RBM20: variants seen among roughly 807,000 people sequenced by gnomAD.
RBM20 encodes the protein RNA binding motif protein 20.
Under a neutral mutation model 110.1 loss-of-function variants are expected in RBM20, and 51 were observed. The ratio of observed to expected loss-of-function variants is 0.46; its 90% CI spans 0.37 to 0.59. RBM20 has a LOEUF of 0.59. RBM20 is among the 20% of genes least tolerant of loss of function. The pLI is 0.00. For synonymous variants in RBM20, 589 were observed against 618.2 expected (o/e 0.95, Z 0.70); for missense variants, 1,512 against 1,574.9 (o/e 0.96, Z 0.68).
At chr10:110,660,019 T>C (rs1862080041) in intron 1 of RBM20, among the ~76,000 whole-genome samples, 1 of 152,032 alleles carries the variant, frequency 6.6e-6, no homozygotes, top group Non-Finnish European at 1.5e-5. Flanking sequence ...GTTTTCACCA[T>C]GTTGCTCAGT....
chr10:110,687,005 C>T (rs1419655311), intron 1 of RBM20, among the ~76,000 whole-genome samples: 4 of 149,214 alleles, frequency 2.7e-5, no homozygotes, highest in African/African-American at 9.9e-5. Flanking sequence ...TGCCACTGCA[C>T]TACAGCCTGG....
At chr10:110,696,821 G>A (rs1207816896) in intron 1 of RBM20, among the ~76,000 whole-genome samples, 2 of 152,096 alleles carry the variant, frequency 1.3e-5, no homozygotes, top group African/African-American at 2.4e-5. Context: ...TGCTTTTTAT[G>A]TTACTAGATA....
chr10:110,745,626 G>A (rs550412327), intron 1 of RBM20, among the ~76,000 whole-genome samples: 5 of 152,008 alleles, frequency 3.3e-5, no homozygotes, highest in African/African-American at 7.2e-5. Flanking sequence ...ATTTGCATAC[G>A]TATCTTCTCC....
intron 7 of RBM20, among the ~76,000 whole-genome samples, chr10:110,800,234 C>T (rs1007953565): frequency 1.3e-5 from 2 of 152,168 alleles, no homozygotes; most frequent in African/African-American, 4.8e-5. Flanking sequence ...AGGCATAAAC[C>T]CTTGAATACA....
intron 1 of RBM20, among the ~76,000 whole-genome samples, chr10:110,752,246 C>T (rs1012583927): frequency 1.3e-5 from 2 of 152,222 alleles, no homozygotes; most frequent in Non-Finnish European, 2.9e-5. Flanking sequence ...CTTTTACTGT[C>T]TCTATAGTTC....
intron 1 of RBM20, among the ~76,000 whole-genome samples, chr10:110,651,387 A>ATTTT (rs1861947275): frequency 6.6e-6 from 1 of 152,216 alleles, no homozygotes; most frequent in Admixed American, 6.5e-5. Flanking sequence ...AATAAACACT[A>ATTTT]ATGTCAGTGA....
At position 110,812,413 on chromosome 10, in the gene RBM20, C is replaced by T. The variant is rs547089283; in HGVS notation, c.2016C>T (p.Gly672=). The T allele has an allele frequency of 9.7e-6, 15 of 1,551,698 alleles. No homozygotes were observed. In the Admixed American group the frequency reaches 2.2e-4, roughly 22 times the overall value. The change falls in exon 9 of 14, where the codon GGC becomes GGT. Residue 672 remains glycine, a synonymous_variant. Coordinates refer to ENST00000369519, the MANE Select transcript of RBM20 (RefSeq NM_001134363.3). The stretch of plus-strand genomic sequence containing the variant: ...CCTCCCGGGCTGACTGGGGCAATGG[C>T]CGGGACTCCTGGGAGCACTCTCCCT... ...PGPSRADWGN[G]RDSWEHSPYA...
At chr10:110,734,285 G>C (rs1843647053) in intron 1 of RBM20, among the ~76,000 whole-genome samples, 1 of 152,178 alleles carries the variant, frequency 6.6e-6, no homozygotes, top group African/African-American at 2.4e-5. Flanking sequence ...TGAGATTGTA[G>C]GAGCAGAAAG....
intron 1 of RBM20, among the ~76,000 whole-genome samples, chr10:110,736,148 G>A (rs1239728256): frequency 6.6e-6 from 1 of 152,230 alleles, no homozygotes; most frequent in East Asian, 1.9e-4. Context: ...GGATTACAAA[G>A]TCACAGTTTT....
At chr10:110,770,684 A>C (rs1844176487) in intron 1 of RBM20, among the ~76,000 whole-genome samples, 1 of 152,240 alleles carries the variant, frequency 6.6e-6, no homozygotes, top group African/African-American at 2.4e-5. Context: ...AATTAATCCA[A>C]AATTCTTTCA....
At chr10:110,775,717 G>A (rs1466677741) in intron 1 of RBM20, among the ~76,000 whole-genome samples, 1 of 152,136 alleles carries the variant, frequency 6.6e-6, no homozygotes, top group Non-Finnish European at 1.5e-5. Context: ...GAAACTGGAG[G>A]GTGACCAGGA....
At chr10:110,722,467 T>G (rs1469985727) in intron 1 of RBM20, among the ~76,000 whole-genome samples, 1 of 152,190 alleles carries the variant, frequency 6.6e-6, no homozygotes, top group Non-Finnish European at 1.5e-5. Context: ...TCCTTGGTGT[T>G]GTGTATTCTG....
intron 1 of RBM20, among the ~76,000 whole-genome samples, chr10:110,731,183 T>C (rs905681221): frequency 1.3e-5 from 2 of 152,222 alleles, no homozygotes; most frequent in African/African-American, 4.8e-5. Context: ...GGGCTGGTTG[T>C]TATCCACGTT....
chr10:110,647,397 A>G (rs1256473580), intron 1 of RBM20, among the ~76,000 whole-genome samples: 1 of 152,152 alleles, frequency 6.6e-6, no homozygotes. Context: ...AGAATCATCC[A>G]TACCTTTTCT....
intron 1 of RBM20, among the ~76,000 whole-genome samples, chr10:110,771,979 G>A (rs910477195): frequency 1.3e-5 from 2 of 152,126 alleles, no homozygotes; most frequent in Admixed American, 1.3e-4. Flanking sequence ...AGACTCAGAT[G>A]TTCCCAAGAA....
At chr10:110,688,399 G>A (rs1355060513) in intron 1 of RBM20, among the ~76,000 whole-genome samples, 1 of 152,118 alleles carries the variant, frequency 6.6e-6, no homozygotes, top group African/African-American at 2.4e-5. Context: ...TCTAGCACAT[G>A]CATCATACTT....
rs138800454 is a variant in RBM20 at position 110,717,080 on chromosome 10, C to T, written c.192-63721C>T. On this transcript the variant is annotated intron_variant, in intron 1 of 13. Transcript: ENST00000369519. ...TGTTTGATATCACATTTGTCTTGTC[C>T]GTGTTTCTTGTGACAGGCCCCAGCA... Among the ~76,000 whole-genome samples the T allele has an allele frequency of 2.9e-3, 442 of 152,014 alleles. 6 individuals are homozygous for T. The highest frequency in any genetic ancestry group is 9.7e-3 in the African/African-American group (403 of 41,460).
Position 110,821,298 on chromosome 10 carries a change from TGAGGCAGAGGGGGA to T in RBM20, c.2683_2696del (p.Ala895LeufsTer5). On this transcript the variant is annotated frameshift_variant, in exon 11 of 14. Transcript: ENST00000369519. LOFTEE classifies it high-confidence loss of function. ...AGGAACAAGATTGGGAGAGTGAAAG[TGAGGCAGAGGGGGA>T]GAGCTGGTATCCCACTAACATGGAG... is the stretch of plus-strand genomic sequence containing the variant. 1 of 1,551,294 alleles carries T rather than the reference TGAGGCAGAGGGGGA, an allele frequency of 6.4e-7. No homozygotes were observed. The highest frequency in any genetic ancestry group is 8.7e-7 in the Non-Finnish European group (1 of 1,146,672).
At chr10:110,720,185 C>T (rs1843488148) in intron 1 of RBM20, among the ~76,000 whole-genome samples, 2 of 152,174 alleles carry the variant, frequency 1.3e-5, no homozygotes, top group Admixed American at 1.3e-4. Flanking sequence ...TTTGGGAGAA[C>T]TCCAATGTTC....
Sources: allele counts gnomAD v4.1 joint callset (sites outside exome capture counted in the v4.1 genomes callset), GRCh38; gene constraint gnomAD v4.1.1; transcripts MANE v1.5; gene names NCBI Gene and HGNC (gene_info 2026-07-23, HGNC 2026-07-21).